The following PDE3A variants were observed in gnomAD, a reference collection of about 807,000 sequenced individuals.
PDE3A encodes phosphodiesterase 3A, also known as cGMP-inhibited 3',5'-cyclic phosphodiesterase 3A.
A neutral mutation model predicts 98.3 loss-of-function variants in PDE3A; 43 were observed. The observed-to-expected ratio is 0.44, with a 90% CI of 0.34 to 0.56. PDE3A has a LOEUF of 0.56. Ranked by LOEUF, PDE3A falls within the 20% of genes least tolerant of loss-of-function variation. PDE3A has a pLI of 0.01. For synonymous variants in PDE3A, 663 were observed against 567.9 expected (o/e 1.17, Z -2.38); for missense variants, 1,427 against 1,440.7 (o/e 0.99, Z 0.15).
At chr12:20,402,271 CCCAAGTAGG>C (rs1944147221) in intron 1 of PDE3A, among the ~76,000 whole-genome samples, 1 of 152,112 alleles carries the variant, frequency 6.6e-6, no homozygotes, top group South Asian at 2.1e-4. Flanking sequence ...GGCTCAGCCT[CCCAAGTAGG>C]TGGGATTACA....
At chr12:20,646,465 G>A in intron 10 of PDE3A, 25 bp from the exon 11 acceptor site, 1 of 1,245,054 alleles carries the variant, frequency 8.0e-7, no homozygotes, top group East Asian at 2.3e-5. Context: ...ATAAACTGAT[G>A]ACTGTTCCTG....
chr12:20,481,623 T>G (rs1250576831), intron 1 of PDE3A, among the ~76,000 whole-genome samples: 1 of 152,122 alleles, frequency 6.6e-6, no homozygotes, highest in Non-Finnish European at 1.5e-5. Context: ...AGGAAGCATT[T>G]TAATATTTAT....
intron 1 of PDE3A, among the ~76,000 whole-genome samples, chr12:20,373,499 G>T (rs1943516085): frequency 6.6e-6 from 1 of 151,962 alleles, no homozygotes; most frequent in Non-Finnish European, 1.5e-5. Context: ...ATTTGAAGGG[G>T]TGTCTCTCCA....
At chr12:20,660,351 G>A (rs1945136739) in intron 15 of PDE3A, among the ~76,000 whole-genome samples, 1 of 152,142 alleles carries the variant, frequency 6.6e-6, no homozygotes, top group South Asian at 2.1e-4. Context: ...ACAGTAAGTT[G>A]GTACCAGAAG....
chr12:20,619,123 C>T (rs942890854), intron 4 of PDE3A, among the ~76,000 whole-genome samples: 1 of 151,888 alleles, frequency 6.6e-6, no homozygotes, highest in Non-Finnish European at 1.5e-5. Flanking sequence ...GAGGGTCTCA[C>T]ACAGCAATAT....
At chr12:20,617,502 G>A (rs563420826) in intron 4 of PDE3A, among the ~76,000 whole-genome samples, 12 of 152,024 alleles carry the variant, frequency 7.9e-5, no homozygotes, top group East Asian at 7.7e-4. Flanking sequence ...ATTTCCTGAC[G>A]GTTGAAATTA....
chr12:20,550,864 C>G (rs376341370), intron 1 of PDE3A, among the ~76,000 whole-genome samples: 8 of 151,572 alleles, frequency 5.3e-5, no homozygotes, highest in Middle Eastern at 3.2e-3. Context: ...TTTTGTATAC[C>G]GTAATCTATT....
chr12:20,463,735 G>A (rs906205030), intron 1 of PDE3A, among the ~76,000 whole-genome samples: 1 of 152,122 alleles, frequency 6.6e-6, no homozygotes, highest in Non-Finnish European at 1.5e-5. Context: ...ACTTACAAAA[G>A]TAGTATGTAC....
At chr12:20,420,585 C>T (rs1944496354) in intron 1 of PDE3A, among the ~76,000 whole-genome samples, 1 of 152,022 alleles carries the variant, frequency 6.6e-6, no homozygotes, top group Non-Finnish European at 1.5e-5. Flanking sequence ...GGCAATTGTA[C>T]ACGTATTGCA....
intron 1 of PDE3A, among the ~76,000 whole-genome samples, chr12:20,468,695 A>G (rs77094161): frequency 0.035 from 5,355 of 152,222 alleles, 140 homozygotes; most frequent in Middle Eastern, 0.065. Flanking sequence ...GTGACTTTTA[A>G]CCTAACTTCT....
At chr12:20,430,941 G>A (rs749205352) in intron 1 of PDE3A, among the ~76,000 whole-genome samples, 18 of 152,054 alleles carry the variant, frequency 1.2e-4, no homozygotes, top group Non-Finnish European at 1.8e-4. Flanking sequence ...TATCTTACCC[G>A]TCAGTTCCAG....
At chr12:20,488,664 TACA>T (rs1043206339) in intron 1 of PDE3A, among the ~76,000 whole-genome samples, 2 of 151,878 alleles carry the variant, frequency 1.3e-5, no homozygotes, top group African/African-American at 2.4e-5. Context: ...GAGACATCTT[TACA>T]ACAACAACAA....
chr12:20,456,112 T>C (rs1429954138), intron 1 of PDE3A, among the ~76,000 whole-genome samples: 1 of 152,130 alleles, frequency 6.6e-6, no homozygotes. Flanking sequence ...GCTTCCCTCA[T>C]GAAGGGATCA....
At chr12:20,626,285 G>A (rs1015897473) in intron 5 of PDE3A, among the ~76,000 whole-genome samples, 7 of 146,384 alleles carry the variant, frequency 4.8e-5, no homozygotes, top group South Asian at 2.1e-4. Flanking sequence ...AGACCGATAC[G>A]GTCTTCAAAA....
At chr12:20,558,423 A>AT (rs1942425277) in intron 2 of PDE3A, among the ~76,000 whole-genome samples, 1 of 152,056 alleles carries the variant, frequency 6.6e-6, no homozygotes, top group Non-Finnish European at 1.5e-5. Context: ...ATGAATTACC[A>AT]TTATCAACAT....
intron 1 of PDE3A, among the ~76,000 whole-genome samples, chr12:20,546,054 A>G (rs1228491513): frequency 6.6e-6 from 1 of 151,928 alleles, no homozygotes; most frequent in Non-Finnish European, 1.5e-5. Flanking sequence ...CATCTGTTTT[A>G]CCCACACGAG....
intron 1 of PDE3A, among the ~76,000 whole-genome samples, chr12:20,448,449 A>C (rs546358547): frequency 6.6e-6 from 1 of 152,272 alleles, no homozygotes; most frequent in Admixed American, 6.5e-5. Flanking sequence ...CTCCAGGGGG[A>C]AATATTAGTG....
At chr12:20,600,051 T>G (rs1943553430) in intron 2 of PDE3A, among the ~76,000 whole-genome samples, 1 of 152,236 alleles carries the variant, frequency 6.6e-6, no homozygotes, top group African/African-American at 2.4e-5. Context: ...TACTTGTCCC[T>G]TCTTATTTCC....
intron 2 of PDE3A, among the ~76,000 whole-genome samples, chr12:20,565,836 T>A (rs1046614268): frequency 4.6e-5 from 7 of 151,980 alleles, no homozygotes; most frequent in African/African-American, 1.7e-4. Flanking sequence ...TAACATCTTA[T>A]TTATGGTACA....
Sources: gnomAD v4.1 joint callset for allele counts (sites outside exome capture counted in the v4.1 genomes callset) on GRCh38, gnomAD v4.1.1 for gene constraint, MANE v1.5 for transcripts, NCBI Gene and HGNC (gene_info 2026-07-23, HGNC 2026-07-21) for gene names.